HAPLN1: variants seen among roughly 807,000 people sequenced by gnomAD.
The protein encoded by HAPLN1 is Cartilage link protein.
A neutral mutation model predicts 36.5 loss-of-function variants in HAPLN1; 13 were observed. That is an observed-to-expected ratio of 0.36 (90% confidence interval 0.23 to 0.57). HAPLN1 has a LOEUF of 0.57. Among genes scored for constraint, HAPLN1 ranks in the 20% least tolerant of loss-of-function variants. HAPLN1 has a pLI of 0.83. For missense variants in HAPLN1, 407 were observed against 439.7 expected, an observed-to-expected ratio of 0.93 and a Z score of 0.66; for synonymous variants, 202 against 169.8, an observed-to-expected ratio of 1.19 and a Z score of -1.48.
At chr5:83,668,256 G>A (rs1468323785) in intron 2 of HAPLN1, among the ~76,000 whole-genome samples, 3 of 152,138 alleles carry the variant, frequency 2.0e-5, no homozygotes, top group African/African-American at 2.4e-5. Context: ...GTGCTACAGA[G>A]AGAAAGAAAA....
At chr5:83,683,234 A>G (rs562964430) in intron 1 of HAPLN1, among the ~76,000 whole-genome samples, 1 of 152,328 alleles carries the variant, frequency 6.6e-6, no homozygotes, top group African/African-American at 2.4e-5. Flanking sequence ...TCTCTCTCAC[A>G]GATCCTCCCT....
At chr5:83,679,966 C>T (rs1750960200) in intron 1 of HAPLN1, among the ~76,000 whole-genome samples, 1 of 152,184 alleles carries the variant, frequency 6.6e-6, no homozygotes, top group Non-Finnish European at 1.5e-5. Context: ...GGACTGTCCT[C>T]ATCAGCAGAT....
intron 1 of HAPLN1, among the ~76,000 whole-genome samples, chr5:83,698,185 G>A (rs1751435117): frequency 6.6e-6 from 1 of 152,010 alleles, no homozygotes; most frequent in Non-Finnish European, 1.5e-5. Flanking sequence ...AAGAATTTTT[G>A]TTTATGATGT....
At chr5:83,678,343 T>G (rs1034205951) in intron 1 of HAPLN1, among the ~76,000 whole-genome samples, 6 of 152,112 alleles carry the variant, frequency 3.9e-5, no homozygotes, top group African/African-American at 1.4e-4. Flanking sequence ...GGTATTTTCC[T>G]TTTATTTTAC....
Position 83,641,801 on chromosome 5 carries a change from G to A in HAPLN1, c.776-16C>T, listed in dbSNP as rs372992567. On this transcript the variant is annotated splice_polypyrimidine_tract_variant and intron_variant, in intron 4 of 4. Transcript: ENST00000274341. Reference sequence around the variant, plus strand: ...TAAAAACGGCCTGTAGAGAAAAGGAGACAGAGTCAATGGGCTGGTCTTCAA... The same window carrying A: ...TAAAAACGGCCTGTAGAGAAAAGGAAACAGAGTCAATGGGCTGGTCTTCAA... 128 of 1,609,082 alleles carry A rather than the reference G, an allele frequency of 8.0e-5. No homozygotes were observed. The African/African-American group carries it at 1.6e-3, about 21-fold the overall frequency.
intron 1 of HAPLN1, among the ~76,000 whole-genome samples, chr5:83,701,977 C>A (rs373030246): frequency 9.9e-5 from 15 of 151,364 alleles, no homozygotes; most frequent in African/African-American, 3.4e-4. Context: ...ATGAAGTAAT[C>A]GAGGTACGAA....
rs1354153041 is a variant in HAPLN1 at position 83,638,113 on chromosome 5, G to A, written c.*3383C>T. 1 of 151,108 alleles carries A rather than the reference G, an allele frequency of 6.6e-6. No homozygotes were observed. The highest frequency in any genetic ancestry group is 1.5e-5 in the Non-Finnish European group (1 of 67,752). The allele number at this position is 151,108 out of a possible 1,614,324, so 9.4% of individuals were successfully genotyped here. On this transcript the variant is annotated 3_prime_UTR_variant, in exon 5 of 5. Coordinates refer to ENST00000274341, the MANE Select transcript of HAPLN1 (RefSeq NM_001884.4). The stretch of plus-strand genomic sequence containing the variant: ...GTATCAGAACAAGAATGAATTAAAT[G>A]CCTTTCTTGGAAATAATGTATTGAC...
At chr5:83,684,210 C>T (rs1466971646) in intron 1 of HAPLN1, among the ~76,000 whole-genome samples, 1 of 152,170 alleles carries the variant, frequency 6.6e-6, no homozygotes, top group Non-Finnish European at 1.5e-5. Context: ...TCCAGCCTTA[C>T]ATATCTCAGG....
In HAPLN1 at chr5:83,645,326, T is replaced by C. The variant is rs370579668; in HGVS notation, c.473-661A>G. On this transcript the variant is annotated intron_variant, in intron 3 of 4. Transcript: ENST00000274341. Reference sequence around the variant, plus strand: ...AACCTTCACTTAGGGGGGACTCTTATTTGGAGAAATGTGAAAACAAGCTTG... The same window carrying C: ...AACCTTCACTTAGGGGGGACTCTTACTTGGAGAAATGTGAAAACAAGCTTG... 8.9e-4 allele frequency among the ~76,000 whole-genome samples: 136 copies of C among 152,214 alleles called. 1 individual carries two copies. The South Asian group carries it at 0.028, about 32-fold the overall frequency.
chr5:83,668,509 T>G (rs1026591796), intron 2 of HAPLN1, among the ~76,000 whole-genome samples: 1 of 152,214 alleles, frequency 6.6e-6, no homozygotes, highest in Non-Finnish European at 1.5e-5. Context: ...AGTTCTTAAA[T>G]TGTGTGAACT....
chr5:83,715,082 G>T (rs1182266629), intron 1 of HAPLN1, among the ~76,000 whole-genome samples: 1 of 152,218 alleles, frequency 6.6e-6, no homozygotes, highest in African/African-American at 2.4e-5. Context: ...CACACAGGGA[G>T]TGGAGATAAC....
chr5:83,639,767 T>A lies in HAPLN1; in HGVS notation c.*1729A>T, dbSNP rs528769554. The A allele has an allele frequency of 1.3e-5, 2 of 152,246 alleles. No homozygotes were observed. Among genetic ancestry groups the A allele is most frequent in the South Asian group, 4.1e-4 (2 of 4,826 alleles). 9.4% of individuals were successfully genotyped at this position (152,246 alleles called of 1,614,324 possible). A position where few individuals can be genotyped will look rare whatever the true frequency, so the allele number is the denominator to read the frequency against. On this transcript the variant is annotated 3_prime_UTR_variant, in exon 5 of 5. Coordinates refer to ENST00000274341, the MANE Select transcript of HAPLN1 (RefSeq NM_001884.4). ...ATCCAACCTAACTTAAAAATGTGCA[T>A]ACATAACATTGTCATCTTTTAATAT...
rs114083365 is a variant in HAPLN1, at chr5:83,701,789, A to G, written c.-27+19000T>C. Reference sequence around the variant, plus strand: ...CCCGTCTCTACTAAAAGTACAAAAAATTAGCCAGATGCAGTGGTCCCAGCT... The same window carrying G: ...CCCGTCTCTACTAAAAGTACAAAAAGTTAGCCAGATGCAGTGGTCCCAGCT... On this transcript the variant is annotated intron_variant, in intron 1 of 4. Coordinates refer to ENST00000274341, the MANE Select transcript of HAPLN1 (RefSeq NM_001884.4). Among the ~76,000 whole-genome samples, 644 of 152,134 alleles carry G rather than the reference A, an allele frequency of 4.2e-3. 5 individuals are homozygous for G. Among genetic ancestry groups the G allele is most frequent in the African/African-American group, 0.014 (563 of 41,514 alleles).
At chr5:83,670,126 T>A (rs902084621) in intron 2 of HAPLN1, among the ~76,000 whole-genome samples, 1 of 152,200 alleles carries the variant, frequency 6.6e-6, no homozygotes, top group South Asian at 2.1e-4. Flanking sequence ...TTTTGAAGAG[T>A]GTATTCATCA....
intron 3 of HAPLN1, among the ~76,000 whole-genome samples, chr5:83,650,266 A>C (rs896773229): frequency 6.6e-6 from 1 of 152,222 alleles, no homozygotes; most frequent in African/African-American, 2.4e-5. Flanking sequence ...TATCTTAGAA[A>C]AGGTGTTTGT....
At chr5:83,658,003 A>G (rs969619295) in intron 2 of HAPLN1, among the ~76,000 whole-genome samples, 1 of 152,118 alleles carries the variant, frequency 6.6e-6, no homozygotes, top group Non-Finnish European at 1.5e-5. Context: ...CGCAACCATC[A>G]CCACTACCCC....
Position 83,688,104 on chromosome 5 carries a change from G to A in HAPLN1, c.-26-14555C>T, listed in dbSNP as rs556868619. On this transcript the variant is annotated intron_variant, in intron 1 of 4. Coordinates refer to ENST00000274341, the MANE Select transcript of HAPLN1 (RefSeq NM_001884.4). ...GCTATGCATGCATCTACACTTTCAGGATTTCTGGTCAGACCCAAGTGTTAG... is the reference window on the plus strand; with the variant it reads ...GCTATGCATGCATCTACACTTTCAGAATTTCTGGTCAGACCCAAGTGTTAG... Among the ~76,000 whole-genome samples, 5 of 152,244 alleles carry A rather than the reference G, an allele frequency of 3.3e-5. 1 individual carries two copies. The South Asian group carries it at 1.0e-3, about 32-fold the overall frequency.
intron 4 of HAPLN1, among the ~76,000 whole-genome samples, chr5:83,643,981 G>A (rs1023425609): frequency 1.3e-5 from 2 of 152,192 alleles, no homozygotes; most frequent in Admixed American, 6.5e-5. Flanking sequence ...GATTGTGATT[G>A]AGAGAGGGAG....
chr5:83,691,447 A>C (rs1751271040), intron 1 of HAPLN1, among the ~76,000 whole-genome samples: 1 of 152,084 alleles, frequency 6.6e-6, no homozygotes, highest in Non-Finnish European at 1.5e-5. Flanking sequence ...TCCAACAGGC[A>C]GTCTAAAAAG....
Sources: allele counts gnomAD v4.1 joint callset (sites outside exome capture counted in the v4.1 genomes callset), GRCh38; gene constraint gnomAD v4.1.1; transcripts MANE v1.5; gene names NCBI Gene and HGNC (gene_info 2026-07-23, HGNC 2026-07-21).